Variants in PCDHGA8 observed in about 807,000 individuals in gnomAD.
PCDHGA8 encodes protocadherin gamma subfamily A, 8.
Under a neutral mutation model 59.2 loss-of-function variants are expected in PCDHGA8, and 45 were observed. The observed-to-expected ratio is 0.76, with a 90% CI of 0.60 to 0.98. The LOEUF is 0.98. PCDHGA8 is among the 50% of genes least tolerant of loss of function. The probability of loss-of-function intolerance (pLI) is 0.00; values close to 1 mark genes in which losing one functional copy is unlikely to be tolerated. For synonymous variants in PCDHGA8, 531 were observed against 519.0 expected (o/e 1.02, Z -0.32); for missense variants, 1,257 against 1,196.2 (o/e 1.05, Z -0.75).
chr5:141,472,412 G>A (rs1283620276), intron 1 of PCDHGA8, among the ~76,000 whole-genome samples: 8 of 151,940 alleles, frequency 5.3e-5, no homozygotes, highest in Non-Finnish European at 8.8e-5. Context: ...GTGGTGGCAC[G>A]CACCTGTATC....
chr5:141,461,058 T>C (rs1450016344), intron 1 of PCDHGA8, among the ~76,000 whole-genome samples: 2 of 152,010 alleles, frequency 1.3e-5, no homozygotes, highest in Admixed American at 1.3e-4. Context: ...CTTAGGTTGG[T>C]TTCACATTTT....
In PCDHGA8 at chr5:141,393,443, G is replaced by T; in HGVS notation, c.630G>T (p.Leu210=). 6.2e-7 allele frequency: 1 copy of T among 1,614,048 alleles called. No homozygotes were observed. The highest frequency in any genetic ancestry group is 8.5e-7 in the Non-Finnish European group (1 of 1,179,906). The part of the protein sequence containing the change: ...LDREEEAAHH[L]VLTASDGGKP... ...GGGAGGAAGAGGCTGCTCACCACCTGGTCCTCACGGCCTCGGATGGCGGCA... is the reference window on the plus strand; with the variant it reads ...GGGAGGAAGAGGCTGCTCACCACCTTGTCCTCACGGCCTCGGATGGCGGCA... The change falls in exon 1 of 4, where the codon CTG becomes CTT. Residue 210 remains leucine, a synonymous_variant. Transcript: ENST00000398604.
intron 1 of PCDHGA8, chr5:141,441,480 T>A (rs1679700290): frequency 5.9e-6 from 1 of 170,298 alleles, no homozygotes. Flanking sequence ...CCAACGACAA[T>A]GCTCTGGTTT....
intron 1 of PCDHGA8, among the ~76,000 whole-genome samples, chr5:141,407,567 A>T (rs554405122): frequency 7.0e-4 from 107 of 152,170 alleles, no homozygotes; most frequent in African/African-American, 2.5e-3. Context: ...AAGCTGAAAG[A>T]TAAAATTCTT....
At position 141,489,585 on chromosome 5, in the gene PCDHGA8, G is replaced by A; in HGVS notation, c.2425-5222G>A. 3 of 1,614,090 alleles carry A rather than the reference G, an allele frequency of 1.9e-6. No individual in the cohort carries two copies. Among genetic ancestry groups the A allele is most frequent in the Non-Finnish European group, 2.5e-6 (3 of 1,180,004 alleles). The stretch of plus-strand genomic sequence containing the variant: ...AGGTGGTGACTGAACACCCCCTGGA[G>A]CTAATCCGTGTAGAGGTAGAGATCC... On this transcript the variant is annotated intron_variant, in intron 1 of 3. Coordinates refer to ENST00000398604, the MANE Select transcript of PCDHGA8 (RefSeq NM_032088.2). The surrounding 1 kb of genome is among the most constrained non-coding windows in gnomAD (Gnocchi z 4.5).
chr5:141,395,332 AT>A (rs2093216099), intron 1 of PCDHGA8, 95 bp downstream of exon 1: 2 of 1,450,272 alleles, frequency 1.4e-6, no homozygotes, highest in Non-Finnish European at 9.2e-7. Flanking sequence ...GTTGAAAATA[AT>A]TTTTAAGGTG....
intron 1 of PCDHGA8, among the ~76,000 whole-genome samples, chr5:141,442,726 C>A (rs1160438073): frequency 2.6e-5 from 4 of 152,060 alleles, no homozygotes; most frequent in Non-Finnish European, 5.9e-5. Context: ...GCATTTGGGG[C>A]CTGTAGGTAA....
intron 2 of PCDHGA8, among the ~76,000 whole-genome samples, chr5:141,502,866 C>CTCTTTTTTT (rs1554188502): frequency 7.8e-6 from 1 of 128,046 alleles, no homozygotes; most frequent in African/African-American, 3.1e-5. Context: ...GACTCTCTGT[C>CTCTTTTTTT]TTTTTTTTTT....
intron 1 of PCDHGA8, among the ~76,000 whole-genome samples, chr5:141,438,629 TATATATAC>T (rs1474630940): frequency 0.043 from 2,039 of 47,824 alleles, 19 homozygotes; most frequent in South Asian, 0.061. Flanking sequence ...TATATATATA[TATATATAC>T]ACACACACAC....
At chr5:141,440,838 C>A (rs2098204954) in intron 1 of PCDHGA8, 1 of 152,102 alleles carries the variant, frequency 6.6e-6, no homozygotes, top group African/African-American at 2.4e-5. Context: ...TTGGTTGAAG[C>A]CAATGACAAC....
chr5:141,408,918 C>T, intron 1 of PCDHGA8: 1 of 1,613,408 alleles, frequency 6.2e-7, no homozygotes. Flanking sequence ...AATGATAACC[C>T]CCCGGTTTTC....
chr5:141,398,469 G>A (rs1490431965), intron 1 of PCDHGA8: 1 of 1,604,084 alleles, frequency 6.2e-7, no homozygotes, highest in Admixed American at 1.7e-5. Context: ...AAAATCCACT[G>A]AACTTTTATC....
intron 1 of PCDHGA8, chr5:141,398,687 A>T (rs940121215): frequency 1.9e-6 from 3 of 1,613,940 alleles, no homozygotes; most frequent in Non-Finnish European, 2.5e-6. Context: ...GAGAAACAGG[A>T]TGGTAGTAAA....
At chr5:141,502,660 A>T (rs1423714257) in intron 2 of PCDHGA8, among the ~76,000 whole-genome samples, 2 of 152,208 alleles carry the variant, frequency 1.3e-5, no homozygotes, top group African/African-American at 4.8e-5. Flanking sequence ...GCAACCCTTC[A>T]TGCAATTTTA....
chr5:141,481,622 G>A (rs957374253), intron 1 of PCDHGA8, among the ~76,000 whole-genome samples: 6 of 151,854 alleles, frequency 4.0e-5, no homozygotes, highest in African/African-American at 1.2e-4. Flanking sequence ...GTTCAAGACC[G>A]GCCTGGCCAA....
At position 141,476,719 on chromosome 5, in the gene PCDHGA8, C is replaced by T; in HGVS notation, c.2425-18088C>T. ...ACGCGGAGCTGGTGTTGGAGCGCGC[C>T]CTGGACCGAGAACGGGAGCCTAGTC... On this transcript the variant is annotated intron_variant, in intron 1 of 3. Coordinates refer to ENST00000398604, the MANE Select transcript of PCDHGA8 (RefSeq NM_032088.2). The surrounding 1 kb of genome is among the most constrained non-coding windows in gnomAD (Gnocchi z 7.6). The T allele has an allele frequency of 6.2e-7, 1 of 1,614,154 alleles. No homozygotes were observed.
chr5:141,480,112 C>T (rs531082602), intron 1 of PCDHGA8, among the ~76,000 whole-genome samples: 2 of 152,190 alleles, frequency 1.3e-5, no homozygotes, highest in Admixed American at 1.3e-4. Flanking sequence ...TAGCATGGTG[C>T]CTGGCATATC....
intron 1 of PCDHGA8, among the ~76,000 whole-genome samples, chr5:141,481,031 C>G (rs926205148): frequency 1.3e-5 from 2 of 152,108 alleles, no homozygotes; most frequent in Non-Finnish European, 2.9e-5. Flanking sequence ...GCACTCCAGC[C>G]TGGGCGACAG....
At chr5:141,410,097 T>G (rs745439318) in intron 1 of PCDHGA8, 3 of 1,612,664 alleles carry the variant, frequency 1.9e-6, no homozygotes, top group Non-Finnish European at 2.5e-6. Context: ...GCTCGAGCCT[T>G]AGGCGACAGG....
Sources: allele counts gnomAD v4.1 joint callset (sites outside exome capture counted in the v4.1 genomes callset), GRCh38; gene constraint gnomAD v4.1.1; non-coding constraint Gnocchi (gnomAD v3.1); transcripts MANE v1.5; gene names NCBI Gene and HGNC (gene_info 2026-07-23, HGNC 2026-07-21).